KRTAP10-8: variants seen among roughly 807,000 people sequenced by gnomAD.
The protein encoded by KRTAP10-8 is keratin associated protein 10-8.
For synonymous variants in KRTAP10-8, 153 were observed against 139.5 expected, an observed-to-expected ratio of 1.10 and a Z score of -0.68; for missense variants, 323 against 329.3, an observed-to-expected ratio of 0.98 and a Z score of 0.15.
At position 44,612,720 on chromosome 21, in the gene KRTAP10-8, C is replaced by T. The variant is rs146952917; in HGVS notation, c.620C>T (p.Ser207Phe). The T allele has an allele frequency of 8.5e-4, 1,375 of 1,613,740 alleles. No homozygotes were observed. The highest frequency in any genetic ancestry group is 1.1e-3 in the Non-Finnish European group (1,281 of 1,179,968). Residue 207 changes from serine (S) to phenylalanine (F), a missense_variant, in exon 1 of 1, where the codon TCC becomes TTC. Physicochemically the swap from Ser to Phe is radical, Grantham distance 155. Coordinates refer to ENST00000334662, the MANE Select transcript of KRTAP10-8 (RefSeq NM_198695.2). The surrounding 1 kb of genome is among the most constrained non-coding windows in gnomAD (Gnocchi z 4.1). The part of the protein sequence containing the change: ...CCTTSCCRPS[S>F]SVSLLCRPVC... ...ACCACCTCCTGCTGCAGACCCTCCT[C>T]CTCCGTGTCCCTCCTCTGCCGCCCT...
Position 44,612,119 on chromosome 21 carries a change from A to G in KRTAP10-8, c.19A>G (p.Thr7Ala), listed in dbSNP as rs1413388123. The G allele has an allele frequency of 1.2e-6, 2 of 1,613,808 alleles. No individual in the cohort carries two copies. Among genetic ancestry groups the G allele is most frequent in the African/African-American group, 2.7e-5 (2 of 74,892 alleles). Residue 7 changes from threonine (T) to alanine (A), a missense_variant, in exon 1 of 1, where the codon ACC (threonine) becomes GCC (alanine). Thr to Ala is a moderately conservative substitution (Grantham distance 58). Coordinates refer to ENST00000334662, the MANE Select transcript of KRTAP10-8 (RefSeq NM_198695.2). The surrounding 1 kb of genome is among the most constrained non-coding windows in gnomAD (Gnocchi z 4.1). ...ACCCACCATGGCTGACGCCTGCTGC[A>G]CCAGGACGTATGTGATTGCTGCATC... MADACC[T>A]RTYVIAASTM...
Position 44,612,323 on chromosome 21 carries a change from G to T in KRTAP10-8, c.223G>T (p.Val75Phe). ...TGCCCCAGCCCCCTGCCTGGCCCTGGTCTGTGCCCCAGTGAGCTGTGAGCC... is the reference window on the plus strand; with the variant it reads ...TGCCCCAGCCCCCTGCCTGGCCCTGTTCTGTGCCCCAGTGAGCTGTGAGCC... ...CCAPAPCLAL[V>F]CAPVSCEPSP... The change falls in exon 1 of 1, where the codon GTC becomes TTC. Residue 75 changes from valine (V) to phenylalanine (F), a missense_variant. Physicochemically the swap from Val to Phe is conservative, Grantham distance 50 (BLOSUM62 -1). Coordinates refer to ENST00000334662, the MANE Select transcript of KRTAP10-8 (RefSeq NM_198695.2). This position sits in a 1 kb window ranked among gnomAD's most constrained non-coding sequence, Gnocchi z 4.1. 6.2e-7 allele frequency: 1 copy of T among 1,613,598 alleles called. No homozygotes were observed. The highest frequency in any genetic ancestry group is 1.1e-5 in the South Asian group (1 of 91,072).
Position 44,612,513 on chromosome 21 carries a change from G to T in KRTAP10-8, c.413G>T (p.Cys138Phe), listed in dbSNP as rs1337108462. Residue 138 changes from cysteine (C) to phenylalanine (F), a missense_variant, in exon 1 of 1, where the codon TGC (cysteine) becomes TTC (phenylalanine). Physicochemically the swap from Cys to Phe is radical, Grantham distance 205 (BLOSUM62 -2). Coordinates refer to ENST00000334662, the MANE Select transcript of KRTAP10-8 (RefSeq NM_198695.2). This position sits in a 1 kb window ranked among gnomAD's most constrained non-coding sequence, Gnocchi z 4.1. ...CCKPVCCVSI[C>F]SGASSPCCQQ... The stretch of plus-strand genomic sequence containing the variant: ...AAGCCCGTGTGCTGCGTGTCCATCT[G>T]CTCTGGAGCTTCCTCCCCATGCTGC... The T allele has an allele frequency of 6.2e-7, 1 of 1,607,628 alleles. No individual in the cohort carries two copies. The highest frequency in any genetic ancestry group is 1.1e-5 in the South Asian group (1 of 90,912).
rs1222393461 is a variant in KRTAP10-8 at position 44,612,791 on chromosome 21, C to T, written c.691C>T (p.Pro231Ser). Residue 231 changes from proline (P) to serine (S), a missense_variant, in exon 1 of 1, where the codon CCT (proline) becomes TCT (serine). Physicochemically the swap from Pro to Ser is moderately conservative, Grantham distance 74. Coordinates refer to ENST00000334662, the MANE Select transcript of KRTAP10-8 (RefSeq NM_198695.2). This position sits in a 1 kb window ranked among gnomAD's most constrained non-coding sequence, Gnocchi z 4.1. ...CCVPVPSCCV[P>S]ASSCQPSCCH... ...TGTGCCTGTCCCCTCCTGTTGTGTC[C>T]CTGCCTCCTCCTGCCAGCCCAGCTG... The T allele has an allele frequency of 8.1e-6, 13 of 1,613,420 alleles. No individual in the cohort carries two copies. The highest frequency in any genetic ancestry group is 1.1e-5 in the Non-Finnish European group (13 of 1,179,972).
In KRTAP10-8 at chr21:44,612,123, G is replaced by A; in HGVS notation, c.23G>A (p.Arg8Lys). 6.2e-7 allele frequency: 1 copy of A among 1,614,048 alleles called. No homozygotes were observed. The highest frequency in any genetic ancestry group is 8.5e-7 in the Non-Finnish European group (1 of 1,179,974). Residue 8 changes from arginine (R) to lysine (K), a missense_variant, in exon 1 of 1, where the codon AGG (arginine) becomes AAG (lysine). Coordinates refer to ENST00000334662, the MANE Select transcript of KRTAP10-8 (RefSeq NM_198695.2). This position sits in a 1 kb window ranked among gnomAD's most constrained non-coding sequence, Gnocchi z 4.1. Reference protein sequence around the residue: MADACCTRTYVIAASTMS... With the variant: MADACCTKTYVIAASTMS... Reference sequence around the variant, plus strand: ...ACCATGGCTGACGCCTGCTGCACCAGGACGTATGTGATTGCTGCATCCACC... The same window carrying A: ...ACCATGGCTGACGCCTGCTGCACCAAGACGTATGTGATTGCTGCATCCACC...
rs1194578132 is a variant in KRTAP10-8 at position 44,612,688 on chromosome 21, TTGCTGCACCACCTCC to T, written c.596_610del (p.Thr199_Cys203del). 1.9e-6 allele frequency: 3 copies of T among 1,613,824 alleles called. No individual in the cohort carries two copies. The highest frequency in any genetic ancestry group is 2.5e-6 in the Non-Finnish European group (3 of 1,179,940). ...GCCAGAAGTCTAGCTGCCAGCCGGCTTGCTGCACCACCTCCTGCTGCAGACCCTCCTCCTCCGTGT... is the reference window on the plus strand; with the variant it reads ...GCCAGAAGTCTAGCTGCCAGCCGGCTTGCTGCAGACCCTCCTCCTCCGTGT... On this transcript the variant is annotated inframe_deletion, in exon 1 of 1. Transcript: ENST00000334662. This position sits in a 1 kb window ranked among gnomAD's most constrained non-coding sequence, Gnocchi z 4.1.
Position 44,612,602 on chromosome 21 carries a change from C to A in KRTAP10-8, c.502C>A (p.Pro168Thr), listed in dbSNP as rs781798824. 5 of 1,613,994 alleles carry A rather than the reference C, an allele frequency of 3.1e-6. No homozygotes were observed. Among genetic ancestry groups the A allele is most frequent in the Non-Finnish European group, 4.2e-6 (5 of 1,179,990 alleles). The change falls in exon 1 of 1, where the codon CCC becomes ACC. Residue 168 changes from proline (P) to threonine (T), a missense_variant. By Grantham distance (38) the Pro-to-Thr change is conservative. Transcript: ENST00000334662. The surrounding 1 kb of genome is among the most constrained non-coding windows in gnomAD (Gnocchi z 4.1). ...CCCATGCCAACAGGCCTGCTGTGTG[C>A]CCATCTGCTGCAAGCCCATCTGCTG... The part of the protein sequence containing the change: ...FSPCQQACCV[P>T]ICCKPICCVP...
rs782563258 is a variant in KRTAP10-8, at chr21:44,612,095, C to G, written c.-6C>G. On this transcript the variant is annotated 5_prime_UTR_variant, in exon 1 of 1. Transcript: ENST00000334662. The surrounding 1 kb of genome is among the most constrained non-coding windows in gnomAD (Gnocchi z 4.1). ...AGCACTCACACCACCCAGTCCAGCA[C>G]CCACCATGGCTGACGCCTGCTGCAC... 6.2e-7 allele frequency: 1 copy of G among 1,612,000 alleles called. No individual in the cohort carries two copies.
Position 44,612,776 on chromosome 21 carries a change from CCCTCCTGTTGTGTCCCTGCCT to C in KRTAP10-8, c.684_704del (p.Cys229_Cys235del). The C allele has an allele frequency of 6.2e-7, 1 of 1,613,712 alleles. No individual in the cohort carries two copies. The highest frequency in any genetic ancestry group is 2.2e-5 in the East Asian group (1 of 44,862). On this transcript the variant is annotated inframe_deletion, in exon 1 of 1. Coordinates refer to ENST00000334662, the MANE Select transcript of KRTAP10-8 (RefSeq NM_198695.2). This position sits in a 1 kb window ranked among gnomAD's most constrained non-coding sequence, Gnocchi z 4.1. ...CCGGCCTGCCTGCTGTGTGCCTGTC[CCCTCCTGTTGTGTCCCTGCCT>C]CCTCCTGCCAGCCCAGCTGCTGCCA...
In KRTAP10-8 at chr21:44,612,326, T is replaced by G; in HGVS notation, c.226T>G (p.Cys76Gly). 1.9e-6 allele frequency: 3 copies of G among 1,613,774 alleles called. No individual in the cohort carries two copies. The highest frequency in any genetic ancestry group is 1.7e-6 in the Non-Finnish European group (2 of 1,179,996). The part of the protein sequence containing the change: ...CAPAPCLALV[C>G]APVSCEPSPC... The stretch of plus-strand genomic sequence containing the variant: ...CCCAGCCCCCTGCCTGGCCCTGGTC[T>G]GTGCCCCAGTGAGCTGTGAGCCCAG... Residue 76 changes from cysteine to glycine, a missense_variant, in exon 1 of 1, where the codon TGT becomes GGT. By Grantham distance (159) the Cys-to-Gly change is radical (BLOSUM62 -3). Coordinates refer to ENST00000334662, the MANE Select transcript of KRTAP10-8 (RefSeq NM_198695.2). This position sits in a 1 kb window ranked among gnomAD's most constrained non-coding sequence, Gnocchi z 4.1.
Position 44,612,549 on chromosome 21 carries a change from G to T in KRTAP10-8, c.449G>T (p.Ser150Ile). Residue 150 changes from serine (S) to isoleucine (I), a missense_variant, in exon 1 of 1, where the codon AGC becomes ATC. Coordinates refer to ENST00000334662, the MANE Select transcript of KRTAP10-8 (RefSeq NM_198695.2). The surrounding 1 kb of genome is among the most constrained non-coding windows in gnomAD (Gnocchi z 4.1). The part of the protein sequence containing the change: ...GASSPCCQQS[S>I]CQSACCTFSP... ...TCCTCCCCATGCTGCCAGCAGTCTA[G>T]CTGCCAGTCAGCTTGCTGCACCTTC... 3 of 1,614,058 alleles carry T rather than the reference G, an allele frequency of 1.9e-6. No homozygotes were observed. Among genetic ancestry groups the T allele is most frequent in the Non-Finnish European group, 1.7e-6 (2 of 1,179,960 alleles).
At position 44,612,679 on chromosome 21, in the gene KRTAP10-8, C is replaced by T. The variant is rs587736459; in HGVS notation, c.579C>T (p.Cys193=). The T allele has an allele frequency of 1.9e-5, 30 of 1,614,154 alleles. No individual in the cohort carries two copies. The highest frequency in any genetic ancestry group is 5.3e-5 in the African/African-American group (4 of 75,044). ...CTCTGTGCTGCCAGAAGTCTAGCTG[C>T]CAGCCGGCTTGCTGCACCACCTCCT... ...ASSLCCQKSS[C]QPACCTTSCC... is the part of the protein sequence containing the mutation. The change falls in exon 1 of 1, where the codon TGC becomes TGT. Residue 193 remains cysteine (C), a synonymous_variant. Transcript: ENST00000334662. This position sits in a 1 kb window ranked among gnomAD's most constrained non-coding sequence, Gnocchi z 4.1.
Position 44,612,462 on chromosome 21 carries a change from C to A in KRTAP10-8, c.362C>A (p.Pro121His). ...CCCTGCCAACAGGCCTGCTGTGTGCCTGTGTGCTGCAAGTCCAACTGCTGC... is the reference window on the plus strand; with the variant it reads ...CCCTGCCAACAGGCCTGCTGTGTGCATGTGTGCTGCAAGTCCAACTGCTGC... Reference protein sequence around the residue: ...SSPCQQACCVPVCCKSNCCKP... With the variant: ...SSPCQQACCVHVCCKSNCCKP... The change falls in exon 1 of 1, where the codon CCT (proline) becomes CAT (histidine). Residue 121 changes from proline (P) to histidine (H), a missense_variant. Physicochemically the swap from Pro to His is moderately conservative, Grantham distance 77. Coordinates refer to ENST00000334662, the MANE Select transcript of KRTAP10-8 (RefSeq NM_198695.2). This position sits in a 1 kb window ranked among gnomAD's most constrained non-coding sequence, Gnocchi z 4.1. 6.2e-7 allele frequency: 1 copy of A among 1,612,248 alleles called. No homozygotes were observed.
rs781897147 is a variant in KRTAP10-8, at chr21:44,612,690, G to T, written c.590G>T (p.Cys197Phe). The T allele has an allele frequency of 5.1e-5, 83 of 1,613,706 alleles. No homozygotes were observed. Among genetic ancestry groups the T allele is most frequent in the Non-Finnish European group, 6.7e-5 (79 of 1,179,924 alleles). The change falls in exon 1 of 1, where the codon TGC becomes TTC. Residue 197 changes from cysteine to phenylalanine, a missense_variant. Cys to Phe is a radical substitution (Grantham distance 205, BLOSUM62 -2). Transcript: ENST00000334662. The surrounding 1 kb of genome is among the most constrained non-coding windows in gnomAD (Gnocchi z 4.1). ...CCQKSSCQPA[C>F]CTTSCCRPSS... The stretch of plus-strand genomic sequence containing the variant: ...CAGAAGTCTAGCTGCCAGCCGGCTT[G>T]CTGCACCACCTCCTGCTGCAGACCC...
Position 44,612,152 on chromosome 21 carries a change from T to C in KRTAP10-8, c.52T>C (p.Ser18Pro). 1 of 1,614,100 alleles carries C rather than the reference T, an allele frequency of 6.2e-7. No individual in the cohort carries two copies. Among genetic ancestry groups the C allele is most frequent in the South Asian group, 1.1e-5 (1 of 91,084 alleles). ...GTATGTGATTGCTGCATCCACCATG[T>C]CTGTCTGCTCCAGTGACGTGGGCCA... ...RTYVIAASTM[S>P]VCSSDVGHVS... is the part of the protein sequence containing the mutation. Residue 18 changes from serine to proline, a missense_variant, in exon 1 of 1, where the codon TCT becomes CCT. Transcript: ENST00000334662. This position sits in a 1 kb window ranked among gnomAD's most constrained non-coding sequence, Gnocchi z 4.1.
At position 44,612,199 on chromosome 21, in the gene KRTAP10-8, C is replaced by G. The variant is rs1555931137; in HGVS notation, c.99C>G (p.Pro33=). The part of the protein sequence containing the change: ...DVGHVSRVSS[P]STCTGSSWQV... ...GCCATGTCAGCCGAGTCTCCTCCCCCAGCACCTGCACTGGCTCCTCCTGGC... is the reference window on the plus strand; with the variant it reads ...GCCATGTCAGCCGAGTCTCCTCCCCGAGCACCTGCACTGGCTCCTCCTGGC... The change falls in exon 1 of 1, where the codon CCC becomes CCG. Residue 33 remains proline, a synonymous_variant. Coordinates refer to ENST00000334662, the MANE Select transcript of KRTAP10-8 (RefSeq NM_198695.2). The surrounding 1 kb of genome is among the most constrained non-coding windows in gnomAD (Gnocchi z 4.1). 1.2e-6 allele frequency: 2 copies of G among 1,613,912 alleles called. No individual in the cohort carries two copies. Among genetic ancestry groups the G allele is most frequent in the African/African-American group, 1.3e-5 (1 of 74,906 alleles).
the KRTAP10-8 span, chr21:44,612,222 G>A: frequency 6.2e-7 from 1 of 1,613,846 alleles, no homozygotes. This position sits in a 1 kb window ranked among gnomAD's most constrained non-coding sequence, Gnocchi z 4.1. Context: ...GGCTCCTCCT[G>A]GCAGGTGGAC....
rs1569219334 is a variant in KRTAP10-8 at position 44,612,675 on chromosome 21, G to T, written c.575G>T (p.Ser192Ile). The change falls in exon 1 of 1, where the codon AGC becomes ATC. Residue 192 changes from serine (S) to isoleucine (I), a missense_variant. By Grantham distance (142) the Ser-to-Ile change is moderately radical. Coordinates refer to ENST00000334662, the MANE Select transcript of KRTAP10-8 (RefSeq NM_198695.2). The surrounding 1 kb of genome is among the most constrained non-coding windows in gnomAD (Gnocchi z 4.1). ...GASSLCCQKS[S>I]CQPACCTTSC... The stretch of plus-strand genomic sequence containing the variant: ...TCCTCTCTGTGCTGCCAGAAGTCTA[G>T]CTGCCAGCCGGCTTGCTGCACCACC... The T allele has an allele frequency of 6.2e-7, 1 of 1,614,074 alleles. No individual in the cohort carries two copies. The highest frequency in any genetic ancestry group is 8.5e-7 in the Non-Finnish European group (1 of 1,180,012).
At position 44,612,296 on chromosome 21, in the gene KRTAP10-8, T is replaced by C; in HGVS notation, c.196T>C (p.Cys66Arg). ...CTCCAGCTGCTGTACCCCTAGCTGC[T>C]GTGCCCCAGCCCCCTGCCTGGCCCT... ...CASSCCTPSC[C>R]APAPCLALVC... The change falls in exon 1 of 1, where the codon TGT (cysteine) becomes CGT (arginine). Residue 66 changes from cysteine (C) to arginine (R), a missense_variant. Physicochemically the swap from Cys to Arg is radical, Grantham distance 180. Transcript: ENST00000334662. This position sits in a 1 kb window ranked among gnomAD's most constrained non-coding sequence, Gnocchi z 4.1. The C allele has an allele frequency of 2.5e-6, 4 of 1,613,596 alleles. No homozygotes were observed. The highest frequency in any genetic ancestry group is 2.5e-6 in the Non-Finnish European group (3 of 1,179,996).
Sources: gnomAD v4.1 joint callset for allele counts on GRCh38, gnomAD v4.1.1 for gene constraint, Gnocchi (gnomAD v3.1) non-coding constraint, MANE v1.5 for transcripts, NCBI Gene and HGNC (gene_info 2026-07-23, HGNC 2026-07-21) for gene names.